CHD6: variants seen among roughly 807,000 people sequenced by gnomAD.
CHD6 encodes the protein chromodomain helicase DNA binding protein 6, also known as ATP-dependent chromatin remodeler CHD6.
CHD6 carries 50 observed loss-of-function variants against 276.9 expected under a neutral mutation model. That is an observed-to-expected ratio of 0.18 (90% CI 0.14 to 0.23). The LOEUF is 0.23. Among genes scored for constraint, CHD6 ranks in the 10% least tolerant of loss-of-function variants. CHD6 has a pLI of 1.00. For missense variants in CHD6, 2,564 were observed against 3,365.8 expected, an observed-to-expected ratio of 0.76 and a Z score of 5.89; for synonymous variants, 1,173 against 1,229.3, an observed-to-expected ratio of 0.95 and a Z score of 0.96.
Position 41,457,329 on chromosome 20 carries a change from T to C in CHD6, c.2764A>G (p.Ser922Gly), listed in dbSNP as rs778832070. The change falls in exon 18 of 37, where the codon AGC becomes GGC. Residue 922 changes from serine (S) to glycine (G), a missense_variant. Transcript: ENST00000373233. The stretch of plus-strand genomic sequence containing the variant: ...GCCTTGTCCAGCCCCAGCTTTAGGC[T>C]GGCCTTGTCAAACATCTCGCGCTCG... ...SYEREMFDKA[S>G]LKLGLDKAVL... 2 of 1,614,166 alleles carry C rather than the reference T, an allele frequency of 1.2e-6. No homozygotes were observed. Among genetic ancestry groups the C allele is most frequent in the East Asian group, 4.5e-5 (2 of 44,866 alleles).
At chr20:41,422,585 C>T (rs1222173683) in intron 30 of CHD6, among the ~76,000 whole-genome samples, 2 of 152,190 alleles carry the variant, frequency 1.3e-5, no homozygotes, top group Non-Finnish European at 2.9e-5. Flanking sequence ...TTTGAGGTTA[C>T]AGTGAGCTGT....
intron 6 of CHD6, among the ~76,000 whole-genome samples, chr20:41,498,805 GTATGTA>G (rs1186746955): frequency 0.019 from 1,552 of 79,746 alleles, 18 homozygotes; most frequent in African/African-American, 0.094. Context: ...ATGTATGTAT[GTATGTA>G]TGTGTGTGTG....
At chr20:41,439,511 G>T (rs191205888) in intron 26 of CHD6, among the ~76,000 whole-genome samples, 12 of 152,292 alleles carry the variant, frequency 7.9e-5, no homozygotes, top group African/African-American at 2.9e-4. Context: ...ACAGTCCATG[G>T]ACAAGCTGAA....
intron 1 of CHD6, among the ~76,000 whole-genome samples, chr20:41,582,710 TAAC>T (rs1156965148): frequency 6.6e-6 from 1 of 152,124 alleles, no homozygotes; most frequent in Non-Finnish European, 1.5e-5. Context: ...AAATTTAAAA[TAAC>T]AACAATTGAT....
chr20:41,510,128 C>G (rs1222401698), intron 5 of CHD6, among the ~76,000 whole-genome samples: 1 of 152,186 alleles, frequency 6.6e-6, no homozygotes, highest in Non-Finnish European at 1.5e-5. Flanking sequence ...GACACCCACC[C>G]AGAGGGCCCC....
chr20:41,597,782 C>T (rs561500923), intron 1 of CHD6, among the ~76,000 whole-genome samples: 21 of 152,028 alleles, frequency 1.4e-4, no homozygotes, highest in East Asian at 9.7e-4. Context: ...TTAATATAAA[C>T]GCATCAGAGT....
At chr20:41,436,975 T>C (rs541962990) in intron 27 of CHD6, among the ~76,000 whole-genome samples, 10 of 152,192 alleles carry the variant, frequency 6.6e-5, no homozygotes, top group Non-Finnish European at 1.5e-4. Context: ...GTTGTGATAT[T>C]GTACTACAAT....
At chr20:41,483,541 C>G in intron 15 of CHD6, 22 bp from the exon 16 acceptor site, 1 of 1,545,564 alleles carries the variant, frequency 6.5e-7, no homozygotes, top group Non-Finnish European at 8.9e-7. Context: ...TGGAACAAAA[C>G]TATTCCTCGG....
intron 5 of CHD6, among the ~76,000 whole-genome samples, chr20:41,510,615 A>G (rs1486453668): frequency 6.6e-6 from 1 of 152,246 alleles, no homozygotes; most frequent in African/African-American, 2.4e-5. Context: ...AAGAAACAAA[A>G]GAGTCTTAAT....
In CHD6 at chr20:41,412,124, C is replaced by T. The variant is rs778580715; in HGVS notation, c.7251+20G>A. The T allele has an allele frequency of 6.2e-6, 10 of 1,613,694 alleles. No homozygotes were observed. Among genetic ancestry groups the T allele is most frequent in the Non-Finnish European group, 8.5e-6 (10 of 1,179,850 alleles). Reference sequence around the variant, plus strand: ...AGGATGCTCCTCCTGGCCCCACACTCACGTGGCCTTCTTCCTTACCCTCAG... The same window carrying T: ...AGGATGCTCCTCCTGGCCCCACACTTACGTGGCCTTCTTCCTTACCCTCAG... On this transcript the variant is annotated intron_variant, in intron 36 of 36. Coordinates refer to ENST00000373233, the MANE Select transcript of CHD6 (RefSeq NM_032221.5).
At chr20:41,438,635 T>A (rs1192864037) in intron 26 of CHD6, among the ~76,000 whole-genome samples, 5 of 152,114 alleles carry the variant, frequency 3.3e-5, no homozygotes, top group Non-Finnish European at 5.9e-5. Context: ...AATATTTGCG[T>A]CCCAAATATT....
chr20:41,445,783 G>A lies in CHD6; in HGVS notation c.3774-15C>T, dbSNP rs750592676. 1.9e-5 allele frequency: 29 copies of A among 1,556,278 alleles called. 1 individual carries two copies. The highest frequency in any genetic ancestry group is 1.7e-4 in the Middle Eastern group (1 of 5,970). Reference sequence around the variant, plus strand: ...CATCCAGCTCCCTAGGGAAGGAAGGGTGTAGACTCAAAACAACACAAAAGC... The same window carrying A: ...CATCCAGCTCCCTAGGGAAGGAAGGATGTAGACTCAAAACAACACAAAAGC... On this transcript the variant is annotated splice_polypyrimidine_tract_variant and intron_variant, in intron 24 of 36. Coordinates refer to ENST00000373233, the MANE Select transcript of CHD6 (RefSeq NM_032221.5).
chr20:41,470,031 A>C (rs965504753), intron 17 of CHD6, among the ~76,000 whole-genome samples: 2 of 152,202 alleles, frequency 1.3e-5, no homozygotes, highest in Non-Finnish European at 2.9e-5. Flanking sequence ...TAAATATTCT[A>C]TATTTATAGC....
At chr20:41,593,337 T>C (rs1473613915) in intron 1 of CHD6, among the ~76,000 whole-genome samples, 2 of 152,180 alleles carry the variant, frequency 1.3e-5, no homozygotes, top group African/African-American at 2.4e-5. Context: ...CTTTACTTCT[T>C]AGTCTCTATT....
intron 25 of CHD6, among the ~76,000 whole-genome samples, 176 bp from the exon 26 acceptor site, chr20:41,440,305 C>T (rs1445591152): frequency 1.3e-5 from 2 of 152,118 alleles, no homozygotes; most frequent in African/African-American, 2.4e-5. Flanking sequence ...GGTGCTAAAG[C>T]GGACACCTTT....
At chr20:41,437,691 C>T (rs2047757985) in intron 26 of CHD6, among the ~76,000 whole-genome samples, 1 of 152,200 alleles carries the variant, frequency 6.6e-6, no homozygotes, top group African/African-American at 2.4e-5. Flanking sequence ...AGGATTGGTT[C>T]TCAGATCCTC....
chr20:41,460,334 A>G (rs1234691572), intron 17 of CHD6, among the ~76,000 whole-genome samples: 2 of 152,272 alleles, frequency 1.3e-5, no homozygotes, highest in Non-Finnish European at 1.5e-5. Context: ...AGAAATTTGC[A>G]TAAGTAACAA....
chr20:41,560,717 T>C (rs2045292122), intron 1 of CHD6, among the ~76,000 whole-genome samples: 1 of 152,072 alleles, frequency 6.6e-6, no homozygotes, highest in South Asian at 2.1e-4. Flanking sequence ...TCAATGTAAC[T>C]AGTGACCTCT....
chr20:41,611,733 G>T lies in CHD6; in HGVS notation c.-24+6607C>A, dbSNP rs569653674. 4.6e-5 allele frequency among the ~76,000 whole-genome samples: 7 copies of T among 152,182 alleles called. No homozygotes were observed. The East Asian group carries it at 1.4e-3, about 29-fold the overall frequency. On this transcript the variant is annotated intron_variant, in intron 1 of 36. Coordinates refer to ENST00000373233, the MANE Select transcript of CHD6 (RefSeq NM_032221.5). ...GTTCACTGCAACCTCCGCCTCCCCGGTTCAAGCGATTCTCCTGCCTCAGCC... is the reference window on the plus strand; with the variant it reads ...GTTCACTGCAACCTCCGCCTCCCCGTTTCAAGCGATTCTCCTGCCTCAGCC...
Sources: gnomAD v4.1 joint callset for allele counts (sites outside exome capture counted in the v4.1 genomes callset) on GRCh38, gnomAD v4.1.1 for gene constraint, MANE v1.5 for transcripts, NCBI Gene and HGNC (gene_info 2026-07-23, HGNC 2026-07-21) for gene names.